The following EYS variants were observed in gnomAD, a reference collection of about 807,000 sequenced individuals.
EYS encodes EGF-like photoreceptor maintenance factor, also known as protein eyes shut homolog.
A neutral mutation model predicts 282.1 loss-of-function variants in EYS; 250 were observed. The observed-to-expected ratio is 0.89, with a 90% CI of 0.80 to 0.98. EYS has a LOEUF of 0.98. Among genes scored for constraint, EYS ranks in the 50% least tolerant of loss-of-function variants. The pLI is 0.00. For missense variants in EYS, 4,016 were observed against 3,709.0 expected (o/e 1.08, Z -2.15); for synonymous variants, 1,355 against 1,282.9 (o/e 1.06, Z -1.20).
At chr6:64,058,706 T>C (rs1771066403) in intron 33 of EYS, among the ~76,000 whole-genome samples, 3 of 152,212 alleles carry the variant, frequency 2.0e-5, no homozygotes, top group African/African-American at 7.2e-5. Context: ...AATTTGCCCC[T>C]AAGTCTTCAT....
At chr6:63,859,784 G>A (rs1252933778) in intron 36 of EYS, among the ~76,000 whole-genome samples, 2 of 152,088 alleles carry the variant, frequency 1.3e-5, no homozygotes, top group Admixed American at 6.6e-5. Context: ...TGTTTGTCTC[G>A]GCTCCGGCCA....
At chr6:64,157,244 T>C (rs1467642346) in intron 31 of EYS, among the ~76,000 whole-genome samples, 2 of 152,102 alleles carry the variant, frequency 1.3e-5, no homozygotes, top group African/African-American at 4.8e-5. Flanking sequence ...TATGGCTGCA[T>C]AGTATTCCAT....
chr6:64,589,931 A>G (rs1420326828), intron 26 of EYS, among the ~76,000 whole-genome samples: 1 of 152,096 alleles, frequency 6.6e-6, no homozygotes, highest in African/African-American at 2.4e-5. Context: ...GTTATTTCTA[A>G]ACTTTGAGAG....
chr6:65,109,621 C>T (rs962468909), intron 12 of EYS, among the ~76,000 whole-genome samples: 2 of 151,268 alleles, frequency 1.3e-5, no homozygotes, highest in African/African-American at 4.9e-5. Context: ...TTTAACAAAT[C>T]CTGGTTTCCT....
At chr6:65,383,831 C>T (rs1381216728) in intron 8 of EYS, among the ~76,000 whole-genome samples, 1 of 151,474 alleles carries the variant, frequency 6.6e-6, no homozygotes, top group Non-Finnish European at 1.5e-5. Context: ...TGAATTTGTC[C>T]GTTCTCTTAT....
At chr6:63,799,296 G>A (rs1449592320) in intron 37 of EYS, among the ~76,000 whole-genome samples, 9 of 151,756 alleles carry the variant, frequency 5.9e-5, no homozygotes, top group Non-Finnish European at 1.2e-4. Context: ...TTACAGACAT[G>A]AGCCACCGTG....
At chr6:64,311,245 G>A (rs2150378481) in intron 29 of EYS, among the ~76,000 whole-genome samples, 1 of 151,924 alleles carries the variant, frequency 6.6e-6, no homozygotes, top group South Asian at 2.1e-4. Context: ...TAGGTTTCTG[G>A]GACAGGAGTC....
chr6:65,195,996 A>G (rs896232187), intron 12 of EYS, among the ~76,000 whole-genome samples: 2 of 152,104 alleles, frequency 1.3e-5, no homozygotes, highest in African/African-American at 4.8e-5. Context: ...ACATTATTTC[A>G]ACCTTCAGTG....
intron 5 of EYS, among the ~76,000 whole-genome samples, chr6:65,458,109 T>G (rs190665708): frequency 6.6e-6 from 1 of 152,172 alleles, no homozygotes; most frequent in Non-Finnish European, 1.5e-5. Context: ...ACTACTAAGT[T>G]TGGACCAACA....
intron 24 of EYS, among the ~76,000 whole-genome samples, chr6:64,610,843 T>C (rs1767092147): frequency 6.6e-6 from 1 of 152,184 alleles, no homozygotes; most frequent in Non-Finnish European, 1.5e-5. Context: ...GAAAACTTCC[T>C]CTTTTCATTA....
rs1296379403 is a variant in EYS, at chr6:64,239,405, TC to T, written c.6192-8582del. On this transcript the variant is annotated intron_variant, in intron 30 of 42. Coordinates refer to ENST00000503581, the MANE Select transcript of EYS (RefSeq NM_001142800.2). ...AGCATTCCTATTTCTCCACATCCTC[TC>T]CAGCATCTGTTGTTTCCTGACTTTT... Among the ~76,000 whole-genome samples, 3 of 152,202 alleles carry T rather than the reference TC, an allele frequency of 2.0e-5. No homozygotes were observed. The East Asian group carries it at 5.8e-4, about 29-fold the overall frequency.
At chr6:64,393,241 A>G (rs1210291262) in intron 28 of EYS, among the ~76,000 whole-genome samples, 2 of 152,222 alleles carry the variant, frequency 1.3e-5, no homozygotes, top group Non-Finnish European at 2.9e-5. Flanking sequence ...AAACCATTCC[A>G]ATCAATAGAA....
At chr6:64,861,115 C>T (rs1766221560) in intron 19 of EYS, among the ~76,000 whole-genome samples, 2 of 152,208 alleles carry the variant, frequency 1.3e-5, no homozygotes, top group Admixed American at 1.3e-4. Context: ...AACTTGTCTG[C>T]CTTCTGCCAC....
intron 8 of EYS, among the ~76,000 whole-genome samples, chr6:65,361,832 A>G (rs984398605): frequency 1.3e-5 from 2 of 152,100 alleles, no homozygotes; most frequent in African/African-American, 4.8e-5. Flanking sequence ...TTTCCCTCCA[A>G]AAATAACACA....
intron 13 of EYS, among the ~76,000 whole-genome samples, chr6:65,044,538 T>C (rs1330456746): frequency 1.3e-5 from 2 of 151,882 alleles, no homozygotes; most frequent in Non-Finnish European, 2.9e-5. Context: ...GAAGTCTCTC[T>C]AGTAATAATT....
At chr6:65,221,805 G>T (rs1016979258) in intron 12 of EYS, among the ~76,000 whole-genome samples, 1 of 152,156 alleles carries the variant, frequency 6.6e-6, no homozygotes, top group Non-Finnish European at 1.5e-5. Context: ...GCAGCTTGGA[G>T]GGGGGCTGTA....
At chr6:65,429,918 C>T (rs543636764) in intron 5 of EYS, among the ~76,000 whole-genome samples, 19 of 152,216 alleles carry the variant, frequency 1.2e-4, no homozygotes, top group South Asian at 4.1e-4. Context: ...TAGTTTACTA[C>T]GCCAAGCAGT....
chr6:65,225,045 A>T (rs1040393726), intron 12 of EYS, among the ~76,000 whole-genome samples: 4 of 152,082 alleles, frequency 2.6e-5, no homozygotes, highest in African/African-American at 9.7e-5. Flanking sequence ...TCTCAAATAG[A>T]AGATGAAAGA....
intron 1 of EYS, among the ~76,000 whole-genome samples, chr6:65,705,642 T>C (rs1308704887): frequency 1.3e-5 from 2 of 152,276 alleles, no homozygotes; most frequent in East Asian, 3.9e-4. Context: ...TATACAAATT[T>C]TGTCTGTCAT....
Sources: gnomAD v4.1 joint callset for allele counts (sites outside exome capture counted in the v4.1 genomes callset) on GRCh38, gnomAD v4.1.1 for gene constraint, MANE v1.5 for transcripts, NCBI Gene and HGNC (gene_info 2026-07-23, HGNC 2026-07-21) for gene names.